ATG10: variants seen among roughly 807,000 people sequenced by gnomAD.
ATG10 encodes the protein autophagy related 10, also known as ubiquitin-like-conjugating enzyme ATG10.
ATG10 carries 30 observed loss-of-function variants against 32.1 expected under a neutral mutation model. The observed-to-expected ratio is 0.94, with a 90% confidence interval of 0.70 to 1.27. The LOEUF (loss-of-function observed/expected upper bound fraction) is 1.27, where lower values mean the gene tolerates loss of function less well. Ranked by LOEUF, ATG10 falls within the 50% of genes most tolerant of loss-of-function variation. The pLI is 0.00. For synonymous variants in ATG10, 87 were observed against 91.5 expected, an observed-to-expected ratio of 0.95 and a Z score of 0.28; for missense variants, 233 against 262.3, an observed-to-expected ratio of 0.89 and a Z score of 0.77.
chr5:82,058,343 G>A (rs945009331), intron 2 of ATG10, 152 bp from the exon 3 acceptor site: 1 of 555,290 alleles, frequency 1.8e-6, no homozygotes, highest in African/African-American at 1.9e-5. Context: ...CTACGTACAG[G>A]GTGTTGGACT....
intron 3 of ATG10, among the ~76,000 whole-genome samples, chr5:82,137,380 CT>C (rs1228670754): frequency 6.6e-6 from 1 of 152,054 alleles, no homozygotes; most frequent in Non-Finnish European, 1.5e-5. Context: ...TGTTGGTGAC[CT>C]TCAAATGTCG....
intron 2 of ATG10, among the ~76,000 whole-genome samples, chr5:82,006,472 A>G (rs1761988098): frequency 6.6e-6 from 1 of 152,208 alleles, no homozygotes; most frequent in South Asian, 2.1e-4. Flanking sequence ...GAAGTGATGT[A>G]ATATATTTCA....
intron 3 of ATG10, among the ~76,000 whole-genome samples, chr5:82,090,549 C>T (rs368491798): frequency 6.6e-6 from 1 of 152,096 alleles, no homozygotes; most frequent in Admixed American, 6.5e-5. Context: ...ACATTTTTAA[C>T]ATTATAAAAC....
At chr5:81,977,372 A>C (rs1760900650) in intron 1 of ATG10, among the ~76,000 whole-genome samples, 1 of 152,082 alleles carries the variant, frequency 6.6e-6, no homozygotes, top group South Asian at 2.1e-4. Context: ...ACAACTCTTC[A>C]CTGTGTGGGA....
In ATG10 at chr5:82,010,065, A is replaced by G. The variant is rs1032073610; in HGVS notation, c.108+22387A>G. On this transcript the variant is annotated intron_variant, in intron 2 of 7. Transcript: ENST00000282185. ...GCCCAAGGGCTCGCCATCGACGGCA[A>G]TGTCGAAGAACACGGTGGGGTTGAC... 605 of 1,609,872 alleles carry G rather than the reference A, an allele frequency of 3.8e-4. 4 individuals carry two copies. The highest frequency in any genetic ancestry group is 3.0e-4 in the Non-Finnish European group (347 of 1,176,180).
intron 1 of ATG10, among the ~76,000 whole-genome samples, chr5:81,983,520 C>T (rs977000331): frequency 3.4e-5 from 5 of 146,808 alleles, no homozygotes; most frequent in East Asian, 4.2e-4. Context: ...GCTGACCCCC[C>T]CCACCTCCCT....
At chr5:82,127,560 G>A (rs1381692393) in intron 3 of ATG10, among the ~76,000 whole-genome samples, 1 of 152,134 alleles carries the variant, frequency 6.6e-6, no homozygotes, top group Non-Finnish European at 1.5e-5. Context: ...TCATTCAGGA[G>A]CAGGTTGTTC....
At chr5:82,156,055 A>T (rs1322112298) in intron 3 of ATG10, among the ~76,000 whole-genome samples, 5 of 152,100 alleles carry the variant, frequency 3.3e-5, no homozygotes, top group Non-Finnish European at 7.3e-5. Flanking sequence ...ATATAGGAGA[A>T]GATGAAGGAA....
At chr5:82,060,056 A>C (rs1763717695) in intron 3 of ATG10, among the ~76,000 whole-genome samples, 1 of 152,222 alleles carries the variant, frequency 6.6e-6, no homozygotes, top group African/African-American at 2.4e-5. Context: ...TGGTGTTGAC[A>C]GTGTGAGGGA....
chr5:82,172,862 T>C (rs1743857995), intron 4 of ATG10, among the ~76,000 whole-genome samples: 1 of 152,238 alleles, frequency 6.6e-6, no homozygotes, highest in Non-Finnish European at 1.5e-5. Context: ...TTAGCCAGTA[T>C]AGTAGCTGAA....
chr5:82,042,432 C>T (rs530094329), intron 2 of ATG10, among the ~76,000 whole-genome samples: 3 of 152,238 alleles, frequency 2.0e-5, no homozygotes, highest in South Asian at 4.1e-4. Flanking sequence ...AAATCTAAAC[C>T]GTATCATTCC....
intron 3 of ATG10, among the ~76,000 whole-genome samples, chr5:82,110,170 G>A (rs1765573068): frequency 6.6e-6 from 1 of 152,044 alleles, no homozygotes; most frequent in Non-Finnish European, 1.5e-5. Context: ...TGGTGTATAT[G>A]TGCCACATTT....
At chr5:82,221,967 G>A (rs1048106975) in intron 5 of ATG10, among the ~76,000 whole-genome samples, 8 of 152,256 alleles carry the variant, frequency 5.3e-5, no homozygotes, top group Middle Eastern at 3.4e-3. Context: ...ATCTTGTATC[G>A]GAGTTGCATT....
At chr5:82,044,026 C>A (rs1053545187) in intron 2 of ATG10, among the ~76,000 whole-genome samples, 1 of 151,938 alleles carries the variant, frequency 6.6e-6, no homozygotes, top group African/African-American at 2.4e-5. Flanking sequence ...CTCCTGGTAC[C>A]AATTTTCTAT....
At chr5:82,083,079 A>C (rs1764540526) in intron 3 of ATG10, among the ~76,000 whole-genome samples, 1 of 152,166 alleles carries the variant, frequency 6.6e-6, no homozygotes, top group African/African-American at 2.4e-5. Context: ...TCCCTTTCCT[A>C]GCAAAGGGAA....
At chr5:82,197,720 T>TCTA (rs1554056711) in intron 5 of ATG10, among the ~76,000 whole-genome samples, 133 of 143,926 alleles carry the variant, frequency 9.2e-4, no homozygotes, top group Middle Eastern at 7.0e-3. Flanking sequence ...CTTTCTTTCT[T>TCTA]TCTATCTATC....
At chr5:82,137,270 A>G (rs1027061805) in intron 3 of ATG10, among the ~76,000 whole-genome samples, 1 of 151,740 alleles carries the variant, frequency 6.6e-6, no homozygotes, top group African/African-American at 2.4e-5. Context: ...AGCAGTTGTG[A>G]TCCTTGAGAG....
intron 3 of ATG10, among the ~76,000 whole-genome samples, chr5:82,110,988 G>C (rs1045869513): frequency 6.6e-6 from 1 of 151,952 alleles, no homozygotes. Context: ...CTGAAGTTAA[G>C]AAAAGAGATT....
chr5:81,985,254 T>A (rs1761224126), intron 1 of ATG10, among the ~76,000 whole-genome samples: 1 of 152,240 alleles, frequency 6.6e-6, no homozygotes, highest in Non-Finnish European at 1.5e-5. Flanking sequence ...AGTTAATTTT[T>A]CTTTGATTTG....
Sources: allele counts gnomAD v4.1 joint callset (sites outside exome capture counted in the v4.1 genomes callset), GRCh38; gene constraint gnomAD v4.1.1; transcripts MANE v1.5; gene names NCBI Gene and HGNC (gene_info 2026-07-23, HGNC 2026-07-21).